MN1: variants seen among roughly 807,000 people sequenced by gnomAD.
MN1 encodes the protein MN1 proto-oncogene, transcriptional regulator.
Under a neutral mutation model 86.9 loss-of-function variants are expected in MN1, and 19 were observed. The ratio of observed to expected loss-of-function variants is 0.22; its 90% CI spans 0.15 to 0.32. The LOEUF is 0.32. Among genes scored for constraint, MN1 ranks in the 10% least tolerant of loss-of-function variants. MN1 has a pLI of 1.00. For synonymous variants in MN1, 928 were observed against 849.6 expected (o/e 1.09, Z -1.60); for missense variants, 1,841 against 1,862.0 (o/e 0.99, Z 0.21).
At chr22:27,755,778 G>A (rs1179360313) in intron 1 of MN1, among the ~76,000 whole-genome samples, 1 of 152,210 alleles carries the variant, frequency 6.6e-6, no homozygotes, top group African/African-American at 2.4e-5. Flanking sequence ...CCACAATGGA[G>A]ACAGTCAGTT....
intron 1 of MN1, among the ~76,000 whole-genome samples, chr22:27,756,454 A>G (rs942909371): frequency 6.6e-6 from 1 of 152,080 alleles, no homozygotes; most frequent in African/African-American, 2.4e-5. Flanking sequence ...CGGTTCCACC[A>G]CTGAGCCCCA....
chr22:27,752,500 C>A (rs1932774579), intron 1 of MN1, among the ~76,000 whole-genome samples: 1 of 152,144 alleles, frequency 6.6e-6, no homozygotes, highest in Admixed American at 6.5e-5. Context: ...CCAGAAAGCA[C>A]CACAGATCAC....
intron 1 of MN1, among the ~76,000 whole-genome samples, chr22:27,794,817 G>T (rs35821058): frequency 0.48 from 61,911 of 128,872 alleles, 14,962 homozygotes; most frequent in African/African-American, 0.69. Context: ...CAGGGTTGTT[G>T]TTTTTTTTTT....
Position 27,797,502 on chromosome 22 carries a change from A to G in MN1, c.3042T>C (p.Ala1014=), listed in dbSNP as rs1483414690. ...CCGGCTGATCCCCCAGGAGCAACTC[A>G]GCCCCCTTCCCCCAGGATGGCGACG... ...ALTSPSWGKG[A]ELLLGDQPDL... The change falls in exon 1 of 2, where the codon GCT becomes GCC. Residue 1014 remains alanine, a synonymous_variant. Transcript: ENST00000302326. 2 of 1,605,086 alleles carry G rather than the reference A, an allele frequency of 1.2e-6. No homozygotes were observed. Among genetic ancestry groups the G allele is most frequent in the Non-Finnish European group, 1.7e-6 (2 of 1,176,132 alleles).
rs1467529672 is a variant in MN1, at chr22:27,751,162, G to A, written c.3782-66C>T. ...CGTCTCTGAGGGACACCATAATGGG[G>A]GCCAAAGTGGCAGAGGCATACAAGA... On this transcript the variant is annotated intron_variant, in intron 1 of 1. Coordinates refer to ENST00000302326, the MANE Select transcript of MN1 (RefSeq NM_002430.3). 4 of 1,393,944 alleles carry A rather than the reference G, an allele frequency of 2.9e-6. No individual in the cohort carries two copies. In the African/African-American group the frequency reaches 5.8e-5, roughly 20 times the overall value. 86.3% of individuals were successfully genotyped at this position (1,393,944 alleles called of 1,614,324 possible).
At position 27,797,942 on chromosome 22, in the gene MN1, C is replaced by A. The variant is rs775159668; in HGVS notation, c.2602G>T (p.Ala868Ser). The A allele has an allele frequency of 1.9e-6, 3 of 1,595,438 alleles. No individual in the cohort carries two copies. The highest frequency in any genetic ancestry group is 1.1e-5 in the South Asian group (1 of 88,768). ...RKLSQNETDGAAVAGNPGSDY... is the reference protein window; with the variant it reads ...RKLSQNETDGSAVAGNPGSDY... ...GAGCCCGGGTTGCCGGCCACTGCCG[C>A]GCCGTCGGTCTCGTTCTGGCTCAGT... The change falls in exon 1 of 2, where the codon GCG becomes TCG. Residue 868 changes from alanine to serine, a missense_variant. By Grantham distance (99) the Ala-to-Ser change is moderately conservative. Coordinates refer to ENST00000302326, the MANE Select transcript of MN1 (RefSeq NM_002430.3).
At chr22:27,765,630 GCAGA>G (rs1209941160) in intron 1 of MN1, among the ~76,000 whole-genome samples, 5 of 152,222 alleles carry the variant, frequency 3.3e-5, no homozygotes, top group South Asian at 2.1e-4. Context: ...GATGGGCAAA[GCAGA>G]CAGTGACCGG....
chr22:27,755,470 A>G (rs376011689), intron 1 of MN1, among the ~76,000 whole-genome samples: 182 of 152,310 alleles, frequency 1.2e-3, no homozygotes, highest in African/African-American at 4.2e-3. Context: ...AGACTGCAGG[A>G]CAGTTTTTAA....
At position 27,797,734 on chromosome 22, in the gene MN1, C is replaced by A. The variant is rs1471686574; in HGVS notation, c.2810G>T (p.Gly937Val). The A allele has an allele frequency of 8.7e-6, 14 of 1,611,678 alleles. No homozygotes were observed. The highest frequency in any genetic ancestry group is 1.1e-5 in the Non-Finnish European group (13 of 1,179,546). ...GCGACCCCGTCCCCGGCCGCCGCCCCCGGAGACCGGCTTGCCGTCATTCCC... is the reference window on the plus strand; with the variant it reads ...GCGACCCCGTCCCCGGCCGCCGCCCACGGAGACCGGCTTGCCGTCATTCCC... ...TSGNDGKPVS[G>V]GGGRGRGRRK... The change falls in exon 1 of 2, where the codon GGG (glycine) becomes GTG (valine). Residue 937 changes from glycine (G) to valine (V), a missense_variant. Gly to Val is a moderately radical substitution (Grantham distance 109, BLOSUM62 -3). Transcript: ENST00000302326.
intron 1 of MN1, among the ~76,000 whole-genome samples, 196 bp downstream of exon 1, chr22:27,796,567 G>C (rs774192237): frequency 6.6e-6 from 1 of 151,040 alleles, no homozygotes; most frequent in Non-Finnish European, 1.5e-5. Flanking sequence ...TGGGGGGCTT[G>C]GGGGCAGTGT....
chr22:27,771,245 T>TTTTTTG (rs1932912530), intron 1 of MN1, among the ~76,000 whole-genome samples: 1 of 115,360 alleles, frequency 8.7e-6, no homozygotes, highest in African/African-American at 3.1e-5. Flanking sequence ...TTTTTTTTTT[T>TTTTTTG]AGAGATAGGG....
intron 1 of MN1, among the ~76,000 whole-genome samples, chr22:27,786,462 TACC>T (rs1355492411): frequency 1.4e-5 from 2 of 148,102 alleles, no homozygotes; most frequent in Non-Finnish European, 3.0e-5. Context: ...CACATCCTCC[TACC>T]ACCACCACCA....
At chr22:27,778,288 T>C (rs1172648993) in intron 1 of MN1, among the ~76,000 whole-genome samples, 2 of 152,204 alleles carry the variant, frequency 1.3e-5, no homozygotes, top group African/African-American at 4.8e-5. Context: ...TGGTTGGCGT[T>C]GTAACACATC....
At chr22:27,792,237 A>C (rs1481282210) in intron 1 of MN1, among the ~76,000 whole-genome samples, 1 of 150,456 alleles carries the variant, frequency 6.6e-6, no homozygotes, top group Non-Finnish European at 1.5e-5. Context: ...TCCGGTCTGA[A>C]GGGGCCTCAC....
chr22:27,779,257 G>A (rs556994566), intron 1 of MN1, among the ~76,000 whole-genome samples: 100 of 152,264 alleles, frequency 6.6e-4, no homozygotes, highest in Admixed American at 2.0e-4. Flanking sequence ...CAGCTATACC[G>A]GCAGGCGCTT....
rs746216450 is a variant in MN1 at position 27,797,687 on chromosome 22, C to T, written c.2857G>A (p.Val953Met). 7 of 1,608,272 alleles carry T rather than the reference C, an allele frequency of 4.4e-6. No individual in the cohort carries two copies. In the South Asian group the frequency reaches 5.5e-5, roughly 13 times the overall value. The change falls in exon 1 of 2, where the codon GTG becomes ATG. Residue 953 changes from valine (V) to methionine (M), a missense_variant. Transcript: ENST00000302326. The part of the protein sequence containing the change: ...RGRRKRDSGH[V>M]SPGTFFDKYS... ...TTGTCAAAGAAGGTGCCAGGGCTCA[C>T]GTGACCACTGTCCCTTTTTCTGCGA...
chr22:27,766,527 A>G (rs757821360), intron 1 of MN1, among the ~76,000 whole-genome samples: 9 of 152,264 alleles, frequency 5.9e-5, no homozygotes, highest in Non-Finnish European at 1.0e-4. Flanking sequence ...TTCTCCAGAC[A>G]AGACAAATTT....
Position 27,799,767 on chromosome 22 carries a change from A to G in MN1, c.777T>C (p.Tyr259=), listed in dbSNP as rs771217257. 6.3e-7 allele frequency: 1 copy of G among 1,594,536 alleles called. No homozygotes were observed. The highest frequency in any genetic ancestry group is 1.1e-5 in the South Asian group (1 of 88,482). ...CCCCAGGAACCTGGCGACCCGCTGC[A>G]TAATGAGGCAGCTGCCCTTCGGAGT... ...PSDSEGQLPH[Y]AAGRQVPGGA... The change falls in exon 1 of 2, where the codon TAT becomes TAC. Residue 259 remains tyrosine, a synonymous_variant. Transcript: ENST00000302326.
At chr22:27,794,790 A>G in intron 1 of MN1, among the ~76,000 whole-genome samples, 1 of 148,302 alleles carries the variant, frequency 6.7e-6, no homozygotes, top group Non-Finnish European at 1.5e-5. Flanking sequence ...TGTTTTTCTT[A>G]AATGGATTCT....
Sources: gnomAD v4.1 joint callset for allele counts (sites outside exome capture counted in the v4.1 genomes callset) on GRCh38, gnomAD v4.1.1 for gene constraint, MANE v1.5 for transcripts, NCBI Gene and HGNC (gene_info 2026-07-23, HGNC 2026-07-21) for gene names.